ME1: variants seen among roughly 807,000 people sequenced by gnomAD.
ME1 encodes the protein NADP-dependent malic enzyme.
A neutral mutation model predicts 66.4 loss-of-function variants in ME1; 74 were observed. The ratio of observed to expected loss-of-function variants is 1.11; its 90% confidence interval spans 0.92 to 1.35. The LOEUF (loss-of-function observed/expected upper bound fraction) is 1.35. ME1 is among the 40% of genes most tolerant of loss of function. The pLI is 0.00. For synonymous variants in ME1, 251 were observed against 235.6 expected (o/e 1.07, Z -0.60); for missense variants, 750 against 694.1 (o/e 1.08, Z -0.90).
intron 7 of ME1, among the ~76,000 whole-genome samples, chr6:83,248,696 A>T (rs1382898808): frequency 6.6e-6 from 1 of 152,118 alleles, no homozygotes. Context: ...TCCTTCACTC[A>T]TCTCTCTCCT....
chr6:83,310,416 C>A lies in ME1; in HGVS notation c.704+4894G>T, dbSNP rs371919676. Among the ~76,000 whole-genome samples, 10 of 152,174 alleles carry A rather than the reference C, an allele frequency of 6.6e-5. No homozygotes were observed. In the East Asian group the frequency reaches 1.5e-3, roughly 23 times the overall value. On this transcript the variant is annotated intron_variant, in intron 6 of 13. Transcript: ENST00000369705. The stretch of plus-strand genomic sequence containing the variant: ...CCTGCTTCCTTTGTTATTTCTTCCA[C>A]AGAGTTTAATCTCAAGGGCACTTCT...
intron 3 of ME1, among the ~76,000 whole-genome samples, chr6:83,372,752 A>T (rs1769212993): frequency 6.6e-6 from 1 of 152,202 alleles, no homozygotes; most frequent in Admixed American, 6.5e-5. Context: ...AATTCAGACA[A>T]TGTAGAGTAG....
intron 3 of ME1, among the ~76,000 whole-genome samples, chr6:83,376,493 CAAA>C (rs60227281): frequency 6.8e-5 from 8 of 118,264 alleles, no homozygotes; most frequent in Admixed American, 1.6e-4. Flanking sequence ...GAAACTCTGT[CAAA>C]AAAAAAAAAA....
intron 6 of ME1, among the ~76,000 whole-genome samples, chr6:83,267,894 A>G (rs1417905377): frequency 6.6e-6 from 1 of 152,226 alleles, no homozygotes; most frequent in African/African-American, 2.4e-5. Flanking sequence ...ATAGTCATTT[A>G]TTAAAAGCCA....
At chr6:83,227,032 C>G (rs555598599) in intron 11 of ME1, among the ~76,000 whole-genome samples, 1 of 152,196 alleles carries the variant, frequency 6.6e-6, no homozygotes, top group South Asian at 2.1e-4. Flanking sequence ...TAATAAGCCT[C>G]TAGAACCAAG....
At chr6:83,269,677 G>T (rs940021851) in intron 6 of ME1, among the ~76,000 whole-genome samples, 8 of 152,108 alleles carry the variant, frequency 5.3e-5, no homozygotes, top group Non-Finnish European at 1.5e-5. Flanking sequence ...TATAAAAAGA[G>T]ATTGGGAAAG....
intron 6 of ME1, among the ~76,000 whole-genome samples, chr6:83,257,551 G>A (rs896521513): frequency 6.6e-6 from 1 of 152,086 alleles, no homozygotes; most frequent in African/African-American, 2.4e-5. Context: ...AATGGGATGG[G>A]GGGTCAATTC....
chr6:83,428,824 T>C (rs1024778846), intron 1 of ME1, among the ~76,000 whole-genome samples: 2 of 152,204 alleles, frequency 1.3e-5, no homozygotes, highest in African/African-American at 4.8e-5. Flanking sequence ...AAAGTTCAAG[T>C]ATTACAAATT....
chr6:83,411,926 G>A (rs947055734), intron 1 of ME1, among the ~76,000 whole-genome samples: 7 of 152,124 alleles, frequency 4.6e-5, no homozygotes, highest in African/African-American at 1.7e-4. Flanking sequence ...TTGTTTCACT[G>A]CTAAGGGCAG....
intron 3 of ME1, among the ~76,000 whole-genome samples, chr6:83,352,875 T>C (rs1438610870): frequency 6.6e-6 from 1 of 152,218 alleles, no homozygotes; most frequent in African/African-American, 2.4e-5. Context: ...CTTAATGAAT[T>C]GTTATAAGAC....
chr6:83,236,655 T>A (rs149009773), intron 9 of ME1, among the ~76,000 whole-genome samples: 48 of 152,322 alleles, frequency 3.2e-4, no homozygotes, highest in Middle Eastern at 3.4e-3. Flanking sequence ...GATACTATTA[T>A]CACTATTAAA....
chr6:83,324,795 G>A (rs1420162085), intron 5 of ME1, among the ~76,000 whole-genome samples: 2 of 150,164 alleles, frequency 1.3e-5, no homozygotes, highest in Admixed American at 6.6e-5. Context: ...AAAGAAAGAG[G>A]AGCTGGTACC....
intron 6 of ME1, among the ~76,000 whole-genome samples, chr6:83,302,341 A>T (rs188435057): frequency 1.3e-5 from 2 of 152,278 alleles, no homozygotes; most frequent in East Asian, 1.9e-4. Context: ...CAAAAAAAAA[A>T]TAACTAACGA....
At position 83,212,025 on chromosome 6, in the gene ME1, C is replaced by A; in HGVS notation, c.1618G>T (p.Val540Phe). Residue 540 changes from valine (V) to phenylalanine (F), a missense_variant, in exon 14 of 14, where the codon GTC (valine) becomes TTC (phenylalanine). Transcript: ENST00000369705. ...TCAGTACTATACATCTGGGAGCGGA[C>A]AAATGCTTCTTTGTTTTGCGGTTCA... ...YPEPQNKEAF[V>F]RSQMYSTDYD... 3.7e-6 allele frequency: 6 copies of A among 1,612,972 alleles called. No individual in the cohort carries two copies. In the South Asian group the frequency reaches 6.6e-5, roughly 18 times the overall value.
At chr6:83,243,312 A>G (rs1378258780) in intron 7 of ME1, among the ~76,000 whole-genome samples, 1 of 141,870 alleles carries the variant, frequency 7.0e-6, no homozygotes, top group East Asian at 2.0e-4. Context: ...ATATACAATT[A>G]TATGTAATTA....
intron 6 of ME1, 94 bp from the exon 7 acceptor site, chr6:83,253,832 A>AATGT: frequency 1.6e-6 from 1 of 633,656 alleles, no homozygotes; most frequent in Non-Finnish European, 2.8e-6. Context: ...GGAAAACATT[A>AATGT]TTTCCTTTTA....
intron 6 of ME1, among the ~76,000 whole-genome samples, chr6:83,277,659 T>G (rs1235526039): frequency 1.3e-5 from 2 of 152,096 alleles, no homozygotes; most frequent in Non-Finnish European, 2.9e-5. Context: ...CCCAGCACTT[T>G]GGGAGGCTGA....
rs1278077203 is a variant in ME1, at chr6:83,216,527, T to A, written c.1519A>T (p.Arg507Ter). The change falls in exon 13 of 14, where the codon AGA (arginine) becomes TGA (stop). Residue 507 changes from arginine to a stop codon, truncating the protein, a stop_gained. Coordinates refer to ENST00000369705, the MANE Select transcript of ME1 (RefSeq NM_002395.6). LOFTEE classifies it high-confidence loss of function. ...TCTGCAATTTTCAGAGAAACATCTC[T>A]AATGGTATTCAAAGGAGGATAAAGC... ...GRLYPPLNTI[R>*]DVSLKIAEKI... is the part of the protein sequence containing the mutation. The A allele has an allele frequency of 3.1e-6, 5 of 1,611,578 alleles. No homozygotes were observed. The highest frequency in any genetic ancestry group is 4.2e-6 in the Non-Finnish European group (5 of 1,179,150).
chr6:83,368,239 C>T (rs1769136218), intron 3 of ME1, among the ~76,000 whole-genome samples: 1 of 151,224 alleles, frequency 6.6e-6, no homozygotes, highest in South Asian at 2.1e-4. Flanking sequence ...ATAATAATAA[C>T]AAAATTATTT....
Sources: gnomAD v4.1 joint callset for allele counts (sites outside exome capture counted in the v4.1 genomes callset) on GRCh38, gnomAD v4.1.1 for gene constraint, MANE v1.5 for transcripts, NCBI Gene and HGNC (gene_info 2026-07-23, HGNC 2026-07-21) for gene names.